Variants in DGKA observed in about 807,000 individuals in gnomAD.
DGKA encodes diacylglycerol kinase alpha.
A neutral mutation model predicts 105.0 loss-of-function variants in DGKA; 35 were observed. The ratio of observed to expected loss-of-function variants is 0.33; its 90% confidence interval spans 0.25 to 0.44. The LOEUF is 0.44. Among genes scored for constraint, DGKA ranks in the 20% least tolerant of loss-of-function variants. DGKA has a pLI of 1.00. For missense variants in DGKA, 665 were observed against 915.0 expected, an observed-to-expected ratio of 0.73 and a Z score of 3.53; for synonymous variants, 296 against 332.0, an observed-to-expected ratio of 0.89 and a Z score of 1.18.
intron 14 of DGKA, 43 bp downstream of exon 14, chr12:55,941,368 C>A: frequency 6.3e-7 from 1 of 1,598,362 alleles, no homozygotes; most frequent in Non-Finnish European, 8.6e-7. Flanking sequence ...AGAGGCAGGG[C>A]CTGCCTGCAA....
In DGKA at chr12:55,940,253, C is replaced by T. The variant is rs561601398; in HGVS notation, c.799-61C>T. On this transcript the variant is annotated intron_variant, in intron 10 of 23. Transcript: ENST00000331886. This position sits in a 1 kb window ranked among gnomAD's most constrained non-coding sequence, Gnocchi z 4.3. The stretch of plus-strand genomic sequence containing the variant: ...CCCTTGGCCCATTGCTGCCCTCAGC[C>T]CCTCCCTCCCCTAGGTCCTGCTCAG... The T allele has an allele frequency of 6.8e-5, 110 of 1,614,170 alleles. 1 individual carries two copies. In the African/African-American group the frequency reaches 1.2e-3, roughly 17 times the overall value.
upstream of DGKA, chr12:55,930,905 C>T (rs1883540855): frequency 6.6e-6 from 1 of 152,172 alleles, no homozygotes; most frequent in African/African-American, 2.4e-5. Flanking sequence ...TAGAGGGCCT[C>T]ATGTATTCAT....
rs1431973768 is a variant in DGKA, at chr12:55,932,852, G to A, written c.-82+1508G>A. ...TTGAGGGCTACCTACTAGCAGCAAC[G>A]GTCAGGGAGAGGAGGAGGATACAGT... On this transcript the variant is annotated intron_variant, in intron 1 of 23. Transcript: ENST00000331886. The surrounding 1 kb of genome is among the most constrained non-coding windows in gnomAD (Gnocchi z 4.3). 3 of 483,230 alleles carry A rather than the reference G, an allele frequency of 6.2e-6. No homozygotes were observed. The highest frequency in any genetic ancestry group is 7.0e-5 in the East Asian group (2 of 28,536). 29.9% of individuals were successfully genotyped at this position (483,230 alleles called of 1,614,324 possible).
At chr12:55,953,271 G>T (rs1888526067) in intron 22 of DGKA, 79 bp from the exon 23 acceptor site, 24 of 1,611,706 alleles carry the variant, frequency 1.5e-5, no homozygotes, top group Middle Eastern at 1.7e-4. Context: ...ATGACAAAAG[G>T]TCTCAAAGCC....
intron 3 of DGKA, 121 bp from the exon 4 acceptor site, chr12:55,937,287 T>C (rs1884951174): frequency 5.4e-6 from 7 of 1,307,836 alleles, no homozygotes; most frequent in Non-Finnish European, 7.5e-6. Flanking sequence ...AAAGAAACCA[T>C]ACTCCTGCCT....
chr12:55,947,985 T>C (rs1887386282), intron 17 of DGKA, among the ~76,000 whole-genome samples: 1 of 152,104 alleles, frequency 6.6e-6, no homozygotes, highest in Admixed American at 6.5e-5. Context: ...GAGACGAGGC[T>C]TCACCATGTT....
Position 55,940,965 on chromosome 12 carries a change from C to T in DGKA, c.1086C>T (p.Thr362=). ...CCATGGATGATTTAAATTTGAGCAC[C>T]TCTGAGGCTCTGCGGGTACAGGGCT... ...QKTMDDLNLS[T]SEALRIDPVP... The change falls in exon 13 of 24, where the codon ACC becomes ACT. Residue 362 remains threonine (T), a synonymous_variant. Transcript: ENST00000331886. This position sits in a 1 kb window ranked among gnomAD's most constrained non-coding sequence, Gnocchi z 4.3. The T allele has an allele frequency of 1.2e-6, 2 of 1,614,012 alleles. No homozygotes were observed. The highest frequency in any genetic ancestry group is 2.2e-5 in the East Asian group (1 of 44,888).
Position 55,937,500 on chromosome 12 carries a change from C to T in DGKA, c.231C>T (p.Ser77=). The T allele has an allele frequency of 6.2e-7, 1 of 1,614,166 alleles. No homozygotes were observed. Among genetic ancestry groups the T allele is most frequent in the Non-Finnish European group, 8.5e-7 (1 of 1,180,034 alleles). Residue 77 remains serine (S), a synonymous_variant, in exon 4 of 24, where the codon TCC becomes TCT. Transcript: ENST00000331886. ...PRHLSLALFQ[S]FETGHCLNET... ...ACCTAAGCCTGGCACTGTTTCAATC[C>T]TTTGAGACTGGTCACTGCTTAAATG...
At chr12:55,927,374 G>A (rs1429296389), upstream of DGKA, 1 of 719,974 alleles carries the variant, frequency 1.4e-6, no homozygotes, top group Non-Finnish European at 2.5e-6. Flanking sequence ...GAGAAGTTCC[G>A]AGGCACAGTC....
In DGKA at chr12:55,932,395, C is replaced by T. The variant is rs1028557061; in HGVS notation, c.-82+1051C>T. 9.9e-6 allele frequency: 6 copies of T among 607,626 alleles called. No individual in the cohort carries two copies. The African/African-American group carries it at 1.1e-4, about 11-fold the overall frequency. The allele number at this position is 607,626 out of a possible 1,614,324, so 37.6% of individuals were successfully genotyped here. On this transcript the variant is annotated intron_variant, in intron 1 of 23. Coordinates refer to ENST00000331886, the MANE Select transcript of DGKA (RefSeq NM_001345.5). This position sits in a 1 kb window ranked among gnomAD's most constrained non-coding sequence, Gnocchi z 4.3. ...ATGGTGAAGCCCGGTTCCTGGGACC[C>T]GACTCGGAGGGAAGTCCTCTTCGGA... is the stretch of plus-strand genomic sequence containing the variant.
upstream of DGKA, chr12:55,927,947 G>A: frequency 4.4e-6 from 3 of 681,820 alleles, no homozygotes; most frequent in East Asian, 5.8e-5. Context: ...GCTTCTGGGC[G>A]GACCTACTTA....
chr12:55,936,511 A>G lies in DGKA; in HGVS notation c.8A>G (p.Lys3Arg). 3 of 1,614,086 alleles carry G rather than the reference A, an allele frequency of 1.9e-6. No homozygotes were observed. The highest frequency in any genetic ancestry group is 2.5e-6 in the Non-Finnish European group (3 of 1,179,956). MA[K>R]ERGLISPSDF... ...CTTGAGAAAAATAGACAGATGGCCA[A>G]GGAGAGGGGCCTAATAAGCCCCAGT... The change falls in exon 2 of 24, where the codon AAG becomes AGG. Residue 3 changes from lysine (K) to arginine (R), a missense_variant. Around this residue, in one of 3 missense-constraint regions of DGKA, gnomAD observed 504 missense variants for 681.2 expected, o/e 0.74. Transcript: ENST00000331886.
rs1885679807 is a variant in DGKA at position 55,940,476 on chromosome 12, A to C, written c.918+43A>C. 1.2e-6 allele frequency: 2 copies of C among 1,607,754 alleles called. No individual in the cohort carries two copies. Among genetic ancestry groups the C allele is most frequent in the African/African-American group, 1.3e-5 (1 of 74,972 alleles). ...CCCTTCTGGGTGCGTCTTACCCCGC[A>C]GAGCTGCCTTCTCCACGGGCCTCCG... On this transcript the variant is annotated intron_variant, in intron 11 of 23. Coordinates refer to ENST00000331886, the MANE Select transcript of DGKA (RefSeq NM_001345.5). The surrounding 1 kb of genome is among the most constrained non-coding windows in gnomAD (Gnocchi z 4.3).
intron 1 of DGKA, among the ~76,000 whole-genome samples, chr12:55,933,898 T>G (rs1401384109): frequency 6.6e-6 from 1 of 152,178 alleles, no homozygotes; most frequent in African/African-American, 2.4e-5. Context: ...GTTCATTGAG[T>G]TCTTATTCTG....
At chr12:55,936,390 C>A (rs1884702667) in intron 1 of DGKA, 33 bp from the exon 2 acceptor site, 1 of 1,479,844 alleles carries the variant, frequency 6.8e-7, no homozygotes, top group Non-Finnish European at 8.9e-7. Context: ...ACAGCTGGCT[C>A]TTCCCACTGT....
intron 1 of DGKA, chr12:55,935,532 A>C (rs1592668711): frequency 6.6e-6 from 1 of 152,240 alleles, no homozygotes; most frequent in African/African-American, 2.4e-5. Flanking sequence ...GGAAGTTCCC[A>C]GGAGCCGAGA....
At position 55,952,119 on chromosome 12, in the gene DGKA, A is replaced by G. The variant is rs749399994; in HGVS notation, c.1652+20A>G. ...CAGCAGGTTAGGGAAAGGAGGGGGCAGTGTGGGCATACACAGTGTCAGGAG... is the reference window on the plus strand; with the variant it reads ...CAGCAGGTTAGGGAAAGGAGGGGGCGGTGTGGGCATACACAGTGTCAGGAG... On this transcript the variant is annotated intron_variant, in intron 19 of 23. Transcript: ENST00000331886. This position sits in a 1 kb window ranked among gnomAD's most constrained non-coding sequence, Gnocchi z 5.1. 1.1e-5 allele frequency: 17 copies of G among 1,613,994 alleles called. No homozygotes were observed. The highest frequency in any genetic ancestry group is 1.4e-5 in the Non-Finnish European group (17 of 1,179,926).
At chr12:55,944,388 A>C (rs1383918748) in intron 17 of DGKA, among the ~76,000 whole-genome samples, 4 of 152,250 alleles carry the variant, frequency 2.6e-5, no homozygotes, top group Non-Finnish European at 4.4e-5. Flanking sequence ...GGATTGCTTC[A>C]GCTGAAAAGA....
intron 17 of DGKA, among the ~76,000 whole-genome samples, chr12:55,948,365 C>T (rs1373320494): frequency 1.3e-5 from 2 of 150,384 alleles, no homozygotes; most frequent in Non-Finnish European, 3.0e-5. Context: ...CATGCCACTG[C>T]ACTTCAGCCT....
Sources: allele counts gnomAD v4.1 joint callset (sites outside exome capture counted in the v4.1 genomes callset), GRCh38; gene constraint gnomAD v4.1.1; regional missense constraint gnomAD v4.1.1; non-coding constraint Gnocchi (gnomAD v3.1); transcripts MANE v1.5; gene names NCBI Gene and HGNC (gene_info 2026-07-23, HGNC 2026-07-21).